VSIG10L2: variants seen among roughly 807,000 people sequenced by gnomAD.
The protein encoded by VSIG10L2 is V-set and immunoglobulin domain containing 10 like 2, also known as V-set and immunoglobulin domain-containing protein 10-like 2.
In VSIG10L2, 56 loss-of-function variants were observed where a neutral mutation model predicts 67.1. The ratio of observed to expected loss-of-function variants is 0.83; its 90% confidence interval spans 0.67 to 1.04. VSIG10L2 has a LOEUF of 1.04. Among genes scored for constraint, VSIG10L2 ranks in the 50% least tolerant of loss-of-function variants. The pLI, the probability that VSIG10L2 is intolerant of heterozygous loss-of-function variation, is 0.00. For missense variants in VSIG10L2, 843 were observed against 932.8 expected (o/e 0.90, Z 1.25); for synonymous variants, 360 against 396.6 (o/e 0.91, Z 1.10).
chr11:125,955,624 G>A lies in VSIG10L2; in HGVS notation c.2241G>A (p.Arg747=), dbSNP rs1945454784. Residue 747 remains arginine (R), a synonymous_variant, in exon 11 of 12, where the codon AGG becomes AGA. Coordinates refer to ENST00000686984, the MANE Select transcript of VSIG10L2 (RefSeq NM_001365077.2). ...CCCACTTCACTCTCAGGGAGCAAAG[G>A]CACCAACAGAGGGGTTCCAGAGAAG... ...LGQLLVPTEQ[R]HQQRGSREDA... The A allele has an allele frequency of 6.5e-7, 1 of 1,530,586 alleles. No homozygotes were observed. The highest frequency in any genetic ancestry group is 8.7e-7 in the Non-Finnish European group (1 of 1,144,094). 94.8% of individuals were successfully genotyped at this position (1,530,586 alleles called of 1,614,324 possible).
intron 2 of VSIG10L2, 30 bp from the exon 3 acceptor site, chr11:125,948,275 A>G: frequency 8.1e-7 from 1 of 1,232,248 alleles, no homozygotes; most frequent in Non-Finnish European, 1.0e-6. Flanking sequence ...GTCTGTAATA[A>G]CACAGCGGGC....
chr11:125,948,490 G>A lies in VSIG10L2; in HGVS notation c.619G>A (p.Val207Ile). 8.1e-7 allele frequency: 1 copy of A among 1,232,268 alleles called. No individual in the cohort carries two copies. The highest frequency in any genetic ancestry group is 1.0e-6 in the Non-Finnish European group (1 of 988,022). 76.3% of individuals were successfully genotyped at this position (1,232,268 alleles called of 1,614,324 possible). A position where few individuals can be genotyped will look rare whatever the true frequency, so the allele number is the denominator to read the frequency against. The stretch of plus-strand genomic sequence containing the variant: ...TGAGCCACTATTCCAGCTGGACCCT[G>A]TCAACCGGACACACCTAGGGTGGTA... ...VTEPLFQLDP[V>I]NRTHLGWYMC... is the part of the protein sequence containing the mutation. Residue 207 changes from valine (V) to isoleucine (I), a missense_variant, in exon 3 of 12, where the codon GTC becomes ATC. By Grantham distance (29) the Val-to-Ile change is conservative (BLOSUM62 3). Coordinates refer to ENST00000686984, the MANE Select transcript of VSIG10L2 (RefSeq NM_001365077.2).
At position 125,956,248 on chromosome 11, in the gene VSIG10L2, C is replaced by T. The variant is rs1237891321; in HGVS notation, c.*334C>T. On this transcript the variant is annotated 3_prime_UTR_variant, in exon 12 of 12. Transcript: ENST00000686984. Reference sequence around the variant, plus strand: ...GTGGTGCTATAGAAGTATGAGCAAGCTAGCTGCTTCCAGAAAAAAAGTCTG... The same window carrying T: ...GTGGTGCTATAGAAGTATGAGCAAGTTAGCTGCTTCCAGAAAAAAAGTCTG... 2 of 518,332 alleles carry T rather than the reference C, an allele frequency of 3.9e-6. No individual in the cohort carries two copies. The highest frequency in any genetic ancestry group is 3.8e-5 in the African/African-American group (2 of 52,214). 32.1% of individuals were successfully genotyped at this position (518,332 alleles called of 1,614,324 possible).
rs928499392 is a variant in VSIG10L2, at chr11:125,948,370, G to A, written c.499G>A (p.Ala167Thr). 12 of 1,232,352 alleles carry A rather than the reference G, an allele frequency of 9.7e-6. No homozygotes were observed. The South Asian group carries it at 1.2e-4, about 13-fold the overall frequency. The allele number at this position is 1,232,352 out of a possible 1,614,324, so 76.3% of individuals were successfully genotyped here. The change falls in exon 3 of 12, where the codon GCC (alanine) becomes ACC (threonine). Residue 167 changes from alanine (A) to threonine (T), a missense_variant. By Grantham distance (58) the Ala-to-Thr change is moderately conservative (BLOSUM62 0). This residue lies in a region of VSIG10L2 where 446 missense variants were observed against 548.4 expected (regional missense o/e 0.81). Transcript: ENST00000686984. Reference sequence around the variant, plus strand: ...CCCTGTGGAGGGAGCCTCCGTGGTGGCCACGTGTGCAGTGCGGGAGGGCAC... The same window carrying A: ...CCCTGTGGAGGGAGCCTCCGTGGTGACCACGTGTGCAGTGCGGGAGGGCAC... ...PSPVEGASVV[A>T]TCAVREGTEP... is the part of the protein sequence containing the mutation.
At chr11:125,952,155 G>A (rs779396202) in intron 6 of VSIG10L2, 82 bp downstream of exon 6, 18 of 1,443,026 alleles carry the variant, frequency 1.2e-5, no homozygotes, top group Non-Finnish European at 1.5e-5. Flanking sequence ...GATCTTAGGG[G>A]GTGGCTGTGC....
intron 4 of VSIG10L2, 79 bp downstream of exon 4, chr11:125,950,368 G>A: frequency 8.2e-7 from 1 of 1,218,886 alleles, no homozygotes; most frequent in Non-Finnish European, 1.0e-6. Context: ...CTGTTCTGGG[G>A]CAGACCCCGC....
intron 4 of VSIG10L2, 85 bp downstream of exon 4, chr11:125,950,374 C>T (rs1182481307): frequency 4.9e-6 from 6 of 1,214,256 alleles, no homozygotes; most frequent in Non-Finnish European, 6.2e-6. Flanking sequence ...TGGGGCAGAC[C>T]CCGCCGTCCC....
intron 6 of VSIG10L2, 123 bp from the exon 7 acceptor site, chr11:125,953,277 A>G: frequency 1.2e-6 from 1 of 813,498 alleles, no homozygotes; most frequent in Non-Finnish European, 1.6e-6. Context: ...CTGGCCCCAG[A>G]CAAGCCTCAT....
Position 125,946,993 on chromosome 11 carries a change from G to C in VSIG10L2, c.83-693G>C, listed in dbSNP as rs944532142. Among the ~76,000 whole-genome samples the C allele has an allele frequency of 6.6e-6, 1 of 152,180 alleles. No homozygotes were observed. The highest frequency in any genetic ancestry group is 2.4e-5 in the African/African-American group (1 of 41,444). Reference sequence around the variant, plus strand: ...CCTGAGCCGAGAACACCTGTTAAGTGACTTACTCCACAGGAACTACTTAAT... The same window carrying C: ...CCTGAGCCGAGAACACCTGTTAAGTCACTTACTCCACAGGAACTACTTAAT... On this transcript the variant is annotated intron_variant, in intron 1 of 11. Transcript: ENST00000686984. The surrounding 1 kb of genome is among the most constrained non-coding windows in gnomAD (Gnocchi z 4.4).
rs1478678777 is a variant in VSIG10L2 at position 125,949,097 on chromosome 11, G to A, written c.709+517G>A. Among the ~76,000 whole-genome samples, 4 of 152,352 alleles carry A rather than the reference G, an allele frequency of 2.6e-5. No homozygotes were observed. The East Asian group carries it at 7.7e-4, about 29-fold the overall frequency. ...CAATCCAAACTGAGCTGTGCTGTAG[G>A]CATGGAAGGCACACTTGATTTTGAA... On this transcript the variant is annotated intron_variant, in intron 3 of 11. Coordinates refer to ENST00000686984, the MANE Select transcript of VSIG10L2 (RefSeq NM_001365077.2).
intron 3 of VSIG10L2, among the ~76,000 whole-genome samples, chr11:125,949,107 C>T (rs1016876766): frequency 3.3e-5 from 5 of 152,248 alleles, no homozygotes; most frequent in African/African-American, 7.2e-5. Flanking sequence ...GCATGGAAGG[C>T]ACACTTGATT....
rs984231087 is a variant in VSIG10L2 at position 125,950,160 on chromosome 11, C to T, written c.856C>T (p.Gln286Ter). 8.1e-7 allele frequency: 1 copy of T among 1,232,192 alleles called. No homozygotes were observed. The highest frequency in any genetic ancestry group is 4.2e-5 in the Admixed American group (1 of 23,706). The allele number at this position is 1,232,192 out of a possible 1,614,324, so 76.3% of individuals were successfully genotyped here. ...SHYVWLRDHT[Q>*]VHTGPTYVIA... The stretch of plus-strand genomic sequence containing the variant: ...CTATGTGTGGCTCCGTGACCACACG[C>T]AAGTCCACACGGGGCCTACCTATGT... The change falls in exon 4 of 12, where the codon CAA becomes TAA. Residue 286 changes from glutamine (Q) to a stop codon, truncating the protein, a stop_gained. Transcript: ENST00000686984. LOFTEE classifies it high-confidence loss of function.
At chr11:125,952,101 G>T in intron 6 of VSIG10L2, 28 bp downstream of exon 6, 1 of 1,516,996 alleles carries the variant, frequency 6.6e-7, no homozygotes, top group Admixed American at 2.0e-5. Flanking sequence ...AGTTTGTTCT[G>T]GGGCTGGGAC....
chr11:125,952,049 G>A lies in VSIG10L2; in HGVS notation c.1471G>A (p.Asp491Asn). ...CRGTHLLRTP[D>N]PHCHLQLEAP... ...GGGCACTCACCTGCTCAGGACCCCT[G>A]ACCCCCACTGCCACCTCCAGCTGGG... Residue 491 changes from aspartate (D) to asparagine (N), a missense_variant, in exon 6 of 12, where the codon GAC becomes AAC. Transcript: ENST00000686984. 6 of 1,535,040 alleles carry A rather than the reference G, an allele frequency of 3.9e-6. No homozygotes were observed. Among genetic ancestry groups the A allele is most frequent in the Non-Finnish European group, 5.2e-6 (6 of 1,146,104 alleles).
Position 125,956,136 on chromosome 11 carries a change from C to T in VSIG10L2, c.*222C>T. ...CCCACCTTGTGGAAGACAGAGGTGG[C>T]AGGACAAGGAAGAGGACCCACAATG... On this transcript the variant is annotated 3_prime_UTR_variant, in exon 12 of 12. Coordinates refer to ENST00000686984, the MANE Select transcript of VSIG10L2 (RefSeq NM_001365077.2). The T allele has an allele frequency of 1.5e-6, 1 of 663,216 alleles. No individual in the cohort carries two copies. Among genetic ancestry groups the T allele is most frequent in the Non-Finnish European group, 2.8e-6 (1 of 361,076 alleles). 41.1% of individuals were successfully genotyped at this position (663,216 alleles called of 1,614,324 possible).
Position 125,946,109 on chromosome 11 carries a change from C to T in VSIG10L2, c.54C>T (p.His18=), listed in dbSNP as rs1269501141. 2.5e-6 allele frequency: 1 copy of T among 398,972 alleles called. No individual in the cohort carries two copies. Among genetic ancestry groups the T allele is most frequent in the Admixed American group, 4.4e-5 (1 of 22,714 alleles). The allele number at this position is 398,972 out of a possible 1,614,324, so 24.7% of individuals were successfully genotyped here. ...CAGTCAGCCTCCTGCTGCTGATACA[C>T]CTCTGCCTTCTGCACCTGAGGGCCT... The part of the protein sequence containing the change: ...HSPVSLLLLI[H]LCLLHLRASG... Residue 18 remains histidine (H), a synonymous_variant, in exon 1 of 12, where the codon CAC becomes CAT. Coordinates refer to ENST00000686984, the MANE Select transcript of VSIG10L2 (RefSeq NM_001365077.2). This position sits in a 1 kb window ranked among gnomAD's most constrained non-coding sequence, Gnocchi z 4.4.
At position 125,953,478 on chromosome 11, in the gene VSIG10L2, G is replaced by A. The variant is rs1363391426; in HGVS notation, c.1574G>A (p.Arg525His). 1.2e-5 allele frequency: 15 copies of A among 1,232,182 alleles called. No homozygotes were observed. Among genetic ancestry groups the A allele is most frequent in the South Asian group, 8.2e-5 (2 of 24,328 alleles). The allele number at this position is 1,232,182 out of a possible 1,614,324, so 76.3% of individuals were successfully genotyped here. ...GGEAWLECSL[R>H]GGTPPAQLLW... ...GAGGCCTGGCTGGAGTGCTCTCTCC[G>A]CGGGGGCACACCACCTGCCCAGCTC... Residue 525 changes from arginine (R) to histidine (H), a missense_variant, in exon 7 of 12, where the codon CGC becomes CAC. Physicochemically the swap from Arg to His is conservative, Grantham distance 29. Around this residue, in one of 2 missense-constraint regions of VSIG10L2, gnomAD observed 397 missense variants for 384.4 expected, o/e 1.03. Coordinates refer to ENST00000686984, the MANE Select transcript of VSIG10L2 (RefSeq NM_001365077.2).
intron 8 of VSIG10L2, 42 bp from the exon 9 acceptor site, chr11:125,955,015 G>C: frequency 1.6e-6 from 2 of 1,232,606 alleles, no homozygotes; most frequent in African/African-American, 3.1e-5. Context: ...CCCAAGTTCT[G>C]CAGTGGCTCT....
In VSIG10L2 at chr11:125,949,919, T is replaced by C. The variant is rs556761951; in HGVS notation, c.710-95T>C. On this transcript the variant is annotated intron_variant, in intron 3 of 11. Transcript: ENST00000686984. ...TGGACACGGGCCAGTGCATACTACA[T>C]GCCCCTAGGATGGATGCATACATTC... The C allele has an allele frequency of 3.4e-5, 40 of 1,185,278 alleles. No homozygotes were observed. The African/African-American group carries it at 6.1e-4, about 18-fold the overall frequency. 73.4% of individuals were successfully genotyped at this position (1,185,278 alleles called of 1,614,324 possible).
Sources: gnomAD v4.1 joint callset for allele counts (sites outside exome capture counted in the v4.1 genomes callset) on GRCh38, gnomAD v4.1.1 for gene constraint, gnomAD v4.1.1 regional missense constraint, Gnocchi (gnomAD v3.1) non-coding constraint, MANE v1.5 for transcripts, NCBI Gene and HGNC (gene_info 2026-07-23, HGNC 2026-07-21) for gene names.